SORCS3: variants seen among roughly 807,000 people sequenced by gnomAD.
SORCS3 encodes sortilin related VPS10 domain containing receptor 3.
In SORCS3, 57 loss-of-function variants were observed where a neutral mutation model predicts 146.3. The ratio of observed to expected loss-of-function variants is 0.39; its 90% confidence interval spans 0.31 to 0.49. SORCS3 has a LOEUF of 0.49. Among genes scored for constraint, SORCS3 ranks in the 20% least tolerant of loss-of-function variants. SORCS3 has a pLI of 0.92. For missense variants in SORCS3, 1,341 were observed against 1,575.5 expected (o/e 0.85, Z 2.52); for synonymous variants, 653 against 618.5 (o/e 1.06, Z -0.83).
At chr10:105,034,237 C>T (rs565918803) in intron 4 of SORCS3, among the ~76,000 whole-genome samples, 69 of 152,104 alleles carry the variant, frequency 4.5e-4, no homozygotes, top group Middle Eastern at 6.8e-3. Context: ...TTTCCGATGA[C>T]ACCTGACATA....
At chr10:105,200,749 G>A (rs927776521) in intron 15 of SORCS3, among the ~76,000 whole-genome samples, 7 of 152,068 alleles carry the variant, frequency 4.6e-5, no homozygotes, top group Admixed American at 1.3e-4. Context: ...TGTGAAAAAT[G>A]TGCCATAAAT....
chr10:104,794,666 A>G (rs2017533578), intron 1 of SORCS3, among the ~76,000 whole-genome samples: 1 of 149,678 alleles, frequency 6.7e-6, no homozygotes, highest in African/African-American at 2.5e-5. Flanking sequence ...AGAGAATATT[A>G]TCCAGCATAG....
At chr10:104,861,512 G>A (rs149389026) in intron 2 of SORCS3, among the ~76,000 whole-genome samples, 1 of 152,084 alleles carries the variant, frequency 6.6e-6, no homozygotes, top group African/African-American at 2.4e-5. Flanking sequence ...TCTGCCTTTT[G>A]CCCTAATCCC....
At chr10:104,750,608 G>A (rs1238733483) in intron 1 of SORCS3, among the ~76,000 whole-genome samples, 1 of 152,146 alleles carries the variant, frequency 6.6e-6, no homozygotes, top group Non-Finnish European at 1.5e-5. Context: ...TACGAAGACA[G>A]GATGGGACAG....
At chr10:104,818,379 T>C (rs1237883385) in intron 1 of SORCS3, among the ~76,000 whole-genome samples, 1 of 150,882 alleles carries the variant, frequency 6.6e-6, no homozygotes, top group Non-Finnish European at 1.5e-5. Context: ...CTTCCTTCCT[T>C]CCTTCCTTCC....
At chr10:105,245,142 G>T (rs1012364869) in intron 20 of SORCS3, among the ~76,000 whole-genome samples, 1 of 151,172 alleles carries the variant, frequency 6.6e-6, no homozygotes, top group Non-Finnish European at 1.5e-5. Context: ...TCACTTCTCA[G>T]AAAGGTCTCA....
At chr10:104,934,956 T>A (rs1293787450) in intron 3 of SORCS3, among the ~76,000 whole-genome samples, 1 of 152,218 alleles carries the variant, frequency 6.6e-6, no homozygotes, top group Non-Finnish European at 1.5e-5. Flanking sequence ...AGAGAGATTC[T>A]GAGCAGCAGA....
At chr10:105,255,247 T>G (rs2056924355) in intron 23 of SORCS3, among the ~76,000 whole-genome samples, 1 of 148,404 alleles carries the variant, frequency 6.7e-6, no homozygotes, top group Non-Finnish European at 1.5e-5. Context: ...CCGCATGTTC[T>G]CACTCATAGG....
At chr10:105,182,679 G>A (rs1368534927) in intron 14 of SORCS3, among the ~76,000 whole-genome samples, 1 of 152,032 alleles carries the variant, frequency 6.6e-6, no homozygotes, top group Non-Finnish European at 1.5e-5. Context: ...GTATAAATGT[G>A]TTTTGTTGTT....
chr10:104,744,844 C>T (rs2016888691), intron 1 of SORCS3, among the ~76,000 whole-genome samples: 1 of 152,224 alleles, frequency 6.6e-6, no homozygotes, highest in Non-Finnish European at 1.5e-5. Flanking sequence ...CATTTTAAGT[C>T]TGTGCTGTCT....
intron 2 of SORCS3, among the ~76,000 whole-genome samples, chr10:104,896,576 C>A (rs115613470): frequency 5.9e-5 from 9 of 152,286 alleles, no homozygotes; most frequent in Admixed American, 4.6e-4. Flanking sequence ...AATGAGAGAC[C>A]ACAGTAGGGA....
intron 1 of SORCS3, among the ~76,000 whole-genome samples, chr10:104,705,528 T>C (rs1164612044): frequency 6.6e-6 from 1 of 152,246 alleles, no homozygotes; most frequent in Non-Finnish European, 1.5e-5. Flanking sequence ...TCATCTTCTG[T>C]TGATTTACAT....
rs996278374 is a variant in SORCS3, at chr10:105,185,482, G to A, written c.2009+7309G>A. On this transcript the variant is annotated intron_variant, in intron 14 of 26. Coordinates refer to ENST00000369701, the MANE Select transcript of SORCS3 (RefSeq NM_014978.3). ...TACACATGTCCTCTCCGGCTGTCCC[G>A]TTTCACTCCTTGTTCGTTGAAGTTG... Among the ~76,000 whole-genome samples, 15 of 152,198 alleles carry A rather than the reference G, an allele frequency of 9.9e-5. No individual in the cohort carries two copies. The East Asian group carries it at 2.1e-3, about 22-fold the overall frequency.
At chr10:104,864,532 G>T (rs551146958) in intron 2 of SORCS3, among the ~76,000 whole-genome samples, 6 of 152,210 alleles carry the variant, frequency 3.9e-5, no homozygotes, top group African/African-American at 1.2e-4. Flanking sequence ...TTGTCCATAG[G>T]GTCTCACTGG....
intron 5 of SORCS3, among the ~76,000 whole-genome samples, chr10:105,076,266 C>T (rs2055588230): frequency 1.3e-5 from 2 of 152,128 alleles, no homozygotes; most frequent in Non-Finnish European, 1.5e-5. Context: ...CTCTCTGAAC[C>T]ACTGGACTAT....
At chr10:104,787,673 A>C (rs1229786209) in intron 1 of SORCS3, among the ~76,000 whole-genome samples, 2 of 152,172 alleles carry the variant, frequency 1.3e-5, no homozygotes, top group Non-Finnish European at 2.9e-5. Flanking sequence ...TCCCATGAAA[A>C]GGGACAATGA....
At chr10:105,164,737 C>T (rs1589665807) in intron 12 of SORCS3, among the ~76,000 whole-genome samples, 1 of 152,090 alleles carries the variant, frequency 6.6e-6, no homozygotes, top group East Asian at 1.9e-4. Context: ...GGTCTCTTCA[C>T]CTTTGGGGAT....
At chr10:104,895,013 A>G (rs2018785130) in intron 2 of SORCS3, among the ~76,000 whole-genome samples, 1 of 152,214 alleles carries the variant, frequency 6.6e-6, no homozygotes, top group East Asian at 1.9e-4. Flanking sequence ...CATATTAAAA[A>G]GCAGCTAATA....
At chr10:105,099,260 C>T (rs376674530) in intron 6 of SORCS3, among the ~76,000 whole-genome samples, 27 of 152,186 alleles carry the variant, frequency 1.8e-4, no homozygotes, top group East Asian at 1.7e-3. Context: ...AAACAGCTCA[C>T]GGGTATTTCT....
Sources: gnomAD v4.1 joint callset for allele counts (sites outside exome capture counted in the v4.1 genomes callset) on GRCh38, gnomAD v4.1.1 for gene constraint, MANE v1.5 for transcripts, NCBI Gene and HGNC (gene_info 2026-07-23, HGNC 2026-07-21) for gene names.